The following ITGB4 variants were observed in gnomAD, a reference collection of about 807,000 sequenced individuals.
The protein encoded by ITGB4 is integrin subunit beta 4.
ITGB4 carries 159 observed loss-of-function variants against 207.6 expected under a neutral mutation model. The ratio of observed to expected loss-of-function variants is 0.77; its 90% CI spans 0.67 to 0.87. The LOEUF is 0.87. Among genes scored for constraint, ITGB4 ranks in the 40% least tolerant of loss-of-function variants. The pLI is 0.00. For missense variants in ITGB4, 2,278 were observed against 2,546.8 expected (o/e 0.89, Z 2.27); for synonymous variants, 1,020 against 1,062.7 (o/e 0.96, Z 0.78).
intron 5 of ITGB4, 77 bp from the exon 6 acceptor site, chr17:75,728,300 C>T (rs1599220452): frequency 1.6e-6 from 2 of 1,224,788 alleles, no homozygotes; most frequent in Non-Finnish European, 2.4e-6. Context: ...CCTTCTGAGC[C>T]AGCCCTTGGT....
rs2060802406 is a variant in ITGB4, at chr17:75,729,391, T to C, written c.693T>C (p.Ala231=). Residue 231 remains alanine, a synonymous_variant, in exon 7 of 40, where the codon GCT becomes GCC. Coordinates refer to ENST00000200181, the MANE Select transcript of ITGB4 (RefSeq NM_000213.5). The surrounding 1 kb of genome is among the most constrained non-coding windows in gnomAD (Gnocchi z 4.4). ...QGERISGNLD[A]PEGGFDAILQ... ...AGCGGATCTCAGGCAACCTGGATGC[T>C]CCTGAGGGCGGCTTCGATGCCATCC... The C allele has an allele frequency of 1.2e-6, 2 of 1,613,994 alleles. No homozygotes were observed. Among genetic ancestry groups the C allele is most frequent in the Admixed American group, 1.7e-5 (1 of 60,002 alleles).
intron 26 of ITGB4, chr17:75,746,183 C>T (rs1599285197): frequency 6.6e-6 from 1 of 152,218 alleles, no homozygotes; most frequent in African/African-American, 2.4e-5. Flanking sequence ...TCAAGCAGTC[C>T]TTCAACCTCA....
intron 27 of ITGB4, among the ~76,000 whole-genome samples, chr17:75,749,442 C>G (rs2061314453): frequency 6.6e-6 from 1 of 152,124 alleles, no homozygotes; most frequent in South Asian, 2.1e-4. Flanking sequence ...GTGGGAGGAT[C>G]ACTTGAGCCC....
In ITGB4 at chr17:75,727,954, G is replaced by A; in HGVS notation, c.469+99G>A. ...TCAGGACAGCTGCACCCACCCAGAA[G>A]GAAACACTGGACATTTGAGCCCCCA... On this transcript the variant is annotated intron_variant, in intron 5 of 39. Transcript: ENST00000200181. The surrounding 1 kb of genome is among the most constrained non-coding windows in gnomAD (Gnocchi z 6.0). 1 of 1,074,088 alleles carries A rather than the reference G, an allele frequency of 9.3e-7. No individual in the cohort carries two copies. The highest frequency in any genetic ancestry group is 1.4e-6 in the Non-Finnish European group (1 of 716,854). 66.5% of individuals were successfully genotyped at this position (1,074,088 alleles called of 1,614,324 possible).
At position 75,736,158 on chromosome 17, in the gene ITGB4, G is replaced by A. The variant is rs1303978351; in HGVS notation, c.1761+4G>A. On this transcript the variant is annotated splice_donor_region_variant and intron_variant, in intron 14 of 39. Coordinates refer to ENST00000200181, the MANE Select transcript of ITGB4 (RefSeq NM_000213.5). Reference sequence around the variant, plus strand: ...CACCTGCATCGACAGCAATGGGGTAGGCCTGGGCATAAGACAGACAGTGTC... The same window carrying A: ...CACCTGCATCGACAGCAATGGGGTAAGCCTGGGCATAAGACAGACAGTGTC... 1.9e-6 allele frequency: 3 copies of A among 1,613,880 alleles called. No individual in the cohort carries two copies. Among genetic ancestry groups the A allele is most frequent in the Admixed American group, 3.3e-5 (2 of 60,028 alleles).
rs2061089595 is a variant in ITGB4 at position 75,740,750 on chromosome 17, G to T, written c.2551-43G>T. ...GTCCCCAGCCTGAGGGCTTGCCACG[G>T]GGTGGCCTAGGCCCAGCCTCACGCC... is the stretch of plus-strand genomic sequence containing the variant. On this transcript the variant is annotated intron_variant, in intron 21 of 39. Transcript: ENST00000200181. The surrounding 1 kb of genome is among the most constrained non-coding windows in gnomAD (Gnocchi z 5.9). 3.1e-6 allele frequency: 5 copies of T among 1,606,886 alleles called. No homozygotes were observed. Among genetic ancestry groups the T allele is most frequent in the Non-Finnish European group, 4.3e-6 (5 of 1,175,454 alleles).
At position 75,748,725 on chromosome 17, in the gene ITGB4, A is replaced by G. The variant is rs1232228643; in HGVS notation, c.3112-116A>G. ...AACCTGAACCTCGTGTAAGTACTCC[A>G]CCCAGCAAGCAGGGATGGTCTCTGC... On this transcript the variant is annotated intron_variant, in intron 26 of 39. Coordinates refer to ENST00000200181, the MANE Select transcript of ITGB4 (RefSeq NM_000213.5). 1.1e-5 allele frequency: 8 copies of G among 740,966 alleles called. No homozygotes were observed. In the East Asian group the frequency reaches 2.2e-4, roughly 20 times the overall value. 45.9% of individuals were successfully genotyped at this position (740,966 alleles called of 1,614,324 possible).
Position 75,739,648 on chromosome 17 carries a change from A to C in ITGB4, c.2221-24A>C. 1 of 1,613,932 alleles carries C rather than the reference A, an allele frequency of 6.2e-7. No homozygotes were observed. The highest frequency in any genetic ancestry group is 8.5e-7 in the Non-Finnish European group (1 of 1,179,988). ...GGCCAGGGCAGCTGTCTCAGGCCTC[A>C]CCCTCACCCACCTTGTCTCCTAGGC... On this transcript the variant is annotated intron_variant, in intron 18 of 39. Transcript: ENST00000200181. This position sits in a 1 kb window ranked among gnomAD's most constrained non-coding sequence, Gnocchi z 5.4.
At chr17:75,748,386 G>A (rs1162470801) in intron 26 of ITGB4, among the ~76,000 whole-genome samples, 1 of 149,190 alleles carries the variant, frequency 6.7e-6, no homozygotes, top group Non-Finnish European at 1.5e-5. Context: ...AAACAGAAAC[G>A]TGGCTGGGCA....
chr17:75,724,504 G>T (rs948994353), intron 1 of ITGB4, among the ~76,000 whole-genome samples, 190 bp from the exon 2 acceptor site: 1 of 152,280 alleles, frequency 6.6e-6, no homozygotes, highest in Non-Finnish European at 1.5e-5. Context: ...CCACTGCAGG[G>T]ATGGCACGGA....
chr17:75,748,143 T>C (rs2061274287), intron 26 of ITGB4, among the ~76,000 whole-genome samples: 1 of 145,966 alleles, frequency 6.9e-6, no homozygotes, highest in African/African-American at 2.5e-5. Flanking sequence ...GGCGGATCGC[T>C]TGAGGCCGGG....
chr17:75,734,144 T>G (rs1176420844), intron 13 of ITGB4, among the ~76,000 whole-genome samples: 1 of 144,270 alleles, frequency 6.9e-6, no homozygotes, highest in Admixed American at 6.9e-5. Context: ...TTTTTTTTTT[T>G]TTTTTTTTTG....
Position 75,740,850 on chromosome 17 carries a change from C to G in ITGB4, c.2608C>G (p.Arg870Gly). 6.2e-7 allele frequency: 1 copy of G among 1,613,724 alleles called. No homozygotes were observed. The highest frequency in any genetic ancestry group is 8.5e-7 in the Non-Finnish European group (1 of 1,180,010). Residue 870 changes from arginine (R) to glycine (G), a missense_variant and splice_region_variant, in exon 22 of 40, where the codon CGG (arginine) becomes GGG (glycine). Coordinates refer to ENST00000200181, the MANE Select transcript of ITGB4 (RefSeq NM_000213.5). The surrounding 1 kb of genome is among the most constrained non-coding windows in gnomAD (Gnocchi z 5.9). ...GVHKLQQTKF[R>G]QQPNAGKKQD... ...ACACAAGCTCCAGCAGACCAAGTTC[C>G]GGTGAGTCCCGGGGTGCCCGGGTTG...
rs769056828 is a variant in ITGB4, at chr17:75,751,214, C to CAGG, written c.3793+104_3793+106dup. The stretch of plus-strand genomic sequence containing the variant: ...TTGGTCACTCCCTGGACCTGCTGTG[C>CAGG]AGGGCACTCGAGGCCTTCATCCTGG... On this transcript the variant is annotated intron_variant, in intron 30 of 39. Coordinates refer to ENST00000200181, the MANE Select transcript of ITGB4 (RefSeq NM_000213.5). 156 of 1,382,520 alleles carry CAGG rather than the reference C, an allele frequency of 1.1e-4. 1 individual carries two copies. The highest frequency in any genetic ancestry group is 1.5e-4 in the Non-Finnish European group (147 of 992,182). 85.6% of individuals were successfully genotyped at this position (1,382,520 alleles called of 1,614,324 possible). A position where few individuals can be genotyped will look rare whatever the true frequency, so the allele number is the denominator to read the frequency against.
chr17:75,756,387 A>T (rs1168731260), intron 35 of ITGB4, 42 bp from the exon 36 acceptor site: 4 of 1,603,706 alleles, frequency 2.5e-6, no homozygotes, highest in Non-Finnish European at 3.4e-6. Flanking sequence ...CAGGGGTGGG[A>T]GTAACACTGC....
intron 26 of ITGB4, among the ~76,000 whole-genome samples, chr17:75,744,686 C>T (rs576342270): frequency 1.3e-5 from 2 of 152,384 alleles, no homozygotes; most frequent in East Asian, 3.9e-4. Context: ...GCATCACCTT[C>T]ACTGCTGAGC....
In ITGB4 at chr17:75,731,408, A is replaced by G; in HGVS notation, c.1215+40A>G. On this transcript the variant is annotated intron_variant, in intron 10 of 39. Coordinates refer to ENST00000200181, the MANE Select transcript of ITGB4 (RefSeq NM_000213.5). This position sits in a 1 kb window ranked among gnomAD's most constrained non-coding sequence, Gnocchi z 6.8. ...GGGCAGCGGGGTGGGGGATAGGCAC[A>G]GCGCCCCACACCGAGTGGAATCGTT... is the stretch of plus-strand genomic sequence containing the variant. The G allele has an allele frequency of 1.9e-6, 3 of 1,581,494 alleles. No individual in the cohort carries two copies. In the South Asian group the frequency reaches 3.3e-5, roughly 18 times the overall value.
At chr17:75,749,701 T>C (rs533341662) in intron 27 of ITGB4, among the ~76,000 whole-genome samples, 1 of 152,288 alleles carries the variant, frequency 6.6e-6, no homozygotes, top group African/African-American at 2.4e-5. Flanking sequence ...CAGATGCTTG[T>C]GGAAGGAAGG....
intron 13 of ITGB4, 53 bp from the exon 14 acceptor site, chr17:75,735,998 G>A: frequency 6.4e-7 from 1 of 1,570,290 alleles, no homozygotes; most frequent in Non-Finnish European, 8.7e-7. Flanking sequence ...TGGGCAGCCT[G>A]GACTACAGGC....
Sources: gnomAD v4.1 joint callset for allele counts (sites outside exome capture counted in the v4.1 genomes callset) on GRCh38, gnomAD v4.1.1 for gene constraint, Gnocchi (gnomAD v3.1) non-coding constraint, MANE v1.5 for transcripts, NCBI Gene and HGNC (gene_info 2026-07-23, HGNC 2026-07-21) for gene names.